The following NOTUM variants were observed in gnomAD, a reference collection of about 807,000 sequenced individuals.
NOTUM encodes the protein palmitoleoyl-protein carboxylesterase NOTUM.
Under a neutral mutation model 65.5 loss-of-function variants are expected in NOTUM, and 36 were observed. The ratio of observed to expected loss-of-function variants is 0.55; its 90% CI spans 0.42 to 0.73. NOTUM has a LOEUF of 0.73. Among genes scored for constraint, NOTUM ranks in the 30% least tolerant of loss-of-function variants. NOTUM has a pLI of 0.00. For synonymous variants in NOTUM, 356 were observed against 297.9 expected, an observed-to-expected ratio of 1.20 and a Z score of -2.01; for missense variants, 659 against 694.2, an observed-to-expected ratio of 0.95 and a Z score of 0.57.
In NOTUM at chr17:81,953,183, C is replaced by T. The variant is rs780722412; in HGVS notation, c.1269G>A (p.Lys423=). ...AGCCCTTGAGGGGGGTCTTGCTGGC[C>T]TTGTGGCTGTCATGGAGGCTCCTGT... The part of the protein sequence containing the change: ...CWDRSLHDSH[K]ASKTPLKGCP... The change falls in exon 11 of 11, where the codon AAG becomes AAA. Residue 423 remains lysine, a synonymous_variant. Coordinates refer to ENST00000409678, the MANE Select transcript of NOTUM (RefSeq NM_178493.6). 1.2e-6 allele frequency: 2 copies of T among 1,613,154 alleles called. No homozygotes were observed. The highest frequency in any genetic ancestry group is 1.1e-5 in the South Asian group (1 of 91,020).
chr17:81,959,616 C>G, intron 2 of NOTUM, 24 bp downstream of exon 2: 1 of 1,545,366 alleles, frequency 6.5e-7, no homozygotes, highest in Non-Finnish European at 8.7e-7. Flanking sequence ...CCCCGGCCTC[C>G]CCCCGCCTCA....
At position 81,957,890 on chromosome 17, in the gene NOTUM, C is replaced by T; in HGVS notation, c.611G>A (p.Gly204Asp). 1 of 1,604,612 alleles carries T rather than the reference C, an allele frequency of 6.2e-7. No homozygotes were observed. Among genetic ancestry groups the T allele is most frequent in the Non-Finnish European group, 8.5e-7 (1 of 1,176,192 alleles). Reference protein sequence around the residue: ...KSEKNEYAFMGALIIQEVVRE... With the variant: ...KSEKNEYAFMDALIIQEVVRE... The stretch of plus-strand genomic sequence containing the variant: ...CACCACCTCCTGGATGATGAGGGCG[C>T]CCATGAAGGCGTACTCGTCTGCAAG... Residue 204 changes from glycine to aspartate, a missense_variant, in exon 6 of 11, where the codon GGC (glycine) becomes GAC (aspartate). By Grantham distance (94) the Gly-to-Asp change is moderately conservative. Transcript: ENST00000409678.
chr17:81,960,720 C>T lies in NOTUM; in HGVS notation c.190G>A (p.Asp64Asn), dbSNP rs1446922169. Residue 64 changes from aspartate to asparagine, a missense_variant, in exon 1 of 11, where the codon GAC (aspartate) becomes AAC (asparagine). By Grantham distance (23) the Asp-to-Asn change is conservative (BLOSUM62 1). Transcript: ENST00000409678. This position sits in a 1 kb window ranked among gnomAD's most constrained non-coding sequence, Gnocchi z 6.4. ...LDFTAVEGNM[D>N]SFMAQVKSLA... ...CTCTTGACTTGCGCCATGAAGCTGTCCATGTTACCCTCCACGGCCGTGAAG... is the reference window on the plus strand; with the variant it reads ...CTCTTGACTTGCGCCATGAAGCTGTTCATGTTACCCTCCACGGCCGTGAAG... 4 of 1,603,610 alleles carry T rather than the reference C, an allele frequency of 2.5e-6. No homozygotes were observed. The highest frequency in any genetic ancestry group is 3.4e-6 in the Non-Finnish European group (4 of 1,175,816).
rs1038583550 is a variant in NOTUM, at chr17:81,960,059, G to A, written c.324-367C>T. On this transcript the variant is annotated intron_variant, in intron 1 of 10. Coordinates refer to ENST00000409678, the MANE Select transcript of NOTUM (RefSeq NM_178493.6). This position sits in a 1 kb window ranked among gnomAD's most constrained non-coding sequence, Gnocchi z 6.4. Reference sequence around the variant, plus strand: ...TTGGCGGGGGAACGGGACGCCGCGGGGAGCGCGGGAGGCGCGGGCGGCACC... The same window carrying A: ...TTGGCGGGGGAACGGGACGCCGCGGAGAGCGCGGGAGGCGCGGGCGGCACC... Among the ~76,000 whole-genome samples the A allele has an allele frequency of 2.0e-5, 3 of 152,056 alleles. No individual in the cohort carries two copies. The highest frequency in any genetic ancestry group is 2.9e-5 in the Non-Finnish European group (2 of 67,958).
Position 81,960,933 on chromosome 17 carries a change from G to C in NOTUM, c.-24C>G, listed in dbSNP as rs1039314429. On this transcript the variant is annotated 5_prime_UTR_variant, in exon 1 of 11. Transcript: ENST00000409678. This position sits in a 1 kb window ranked among gnomAD's most constrained non-coding sequence, Gnocchi z 6.4. Reference sequence around the variant, plus strand: ...ATGGCCGCGTCCACCTGCGGGGAGCGGGCGGCCTTGAGGCGGCGGCGGCGG... The same window carrying C: ...ATGGCCGCGTCCACCTGCGGGGAGCCGGCGGCCTTGAGGCGGCGGCGGCGG... 1.7e-6 allele frequency: 2 copies of C among 1,211,968 alleles called. No individual in the cohort carries two copies. Among genetic ancestry groups the C allele is most frequent in the Non-Finnish European group, 2.1e-6 (2 of 974,536 alleles). The allele number at this position is 1,211,968 out of a possible 1,614,324, so 75.1% of individuals were successfully genotyped here. A position where few individuals can be genotyped will look rare whatever the true frequency, so the allele number is the denominator to read the frequency against.
chr17:81,953,365 G>C (rs35021281), intron 10 of NOTUM, 98 bp from the exon 11 acceptor site: 2 of 761,188 alleles, frequency 2.6e-6, no homozygotes, highest in Non-Finnish European at 4.3e-6. Context: ...GCAGGATCTC[G>C]GCTCACTGCA....
chr17:81,959,015 G>A lies in NOTUM; in HGVS notation c.473-20C>T. ...CTGTGCCTGGGGACACAGAGGCGGTGGGTCTTTCTAGCGGGAGGAGGCTGT... is the reference window on the plus strand; with the variant it reads ...CTGTGCCTGGGGACACAGAGGCGGTAGGTCTTTCTAGCGGGAGGAGGCTGT... On this transcript the variant is annotated intron_variant, in intron 3 of 10. Transcript: ENST00000409678. The A allele has an allele frequency of 6.2e-7, 1 of 1,610,416 alleles. No individual in the cohort carries two copies. Among genetic ancestry groups the A allele is most frequent in the Non-Finnish European group, 8.5e-7 (1 of 1,177,524 alleles).
chr17:81,957,745 T>C, intron 6 of NOTUM, 61 bp downstream of exon 6: 3 of 1,156,612 alleles, frequency 2.6e-6, no homozygotes, highest in Non-Finnish European at 2.5e-6. Flanking sequence ...CCCACACCCC[T>C]TCCATGCACC....
chr17:81,955,365 C>T (rs920856457), intron 9 of NOTUM, 32 bp downstream of exon 9: 12 of 1,522,552 alleles, frequency 7.9e-6, no homozygotes, highest in African/African-American at 4.1e-5. Flanking sequence ...GGGAGCTACC[C>T]GGCGTGGGGC....
chr17:81,959,388 G>A lies in NOTUM; in HGVS notation c.472+83C>T, dbSNP rs549227577. 3.8e-6 allele frequency: 4 copies of A among 1,058,892 alleles called. No individual in the cohort carries two copies. The East Asian group carries it at 7.8e-5, about 21-fold the overall frequency. 65.6% of individuals were successfully genotyped at this position (1,058,892 alleles called of 1,614,324 possible). On this transcript the variant is annotated intron_variant, in intron 3 of 10. Coordinates refer to ENST00000409678, the MANE Select transcript of NOTUM (RefSeq NM_178493.6). ...GGCTGGGCATGATGTGCGGGGTGGGGGCCTGGCTGGGGCTCCAGGAGGCGG... is the reference window on the plus strand; with the variant it reads ...GGCTGGGCATGATGTGCGGGGTGGGAGCCTGGCTGGGGCTCCAGGAGGCGG...
At position 81,960,407 on chromosome 17, in the gene NOTUM, C is replaced by A. The variant is rs2041465662; in HGVS notation, c.323+180G>T. 6.6e-6 allele frequency among the ~76,000 whole-genome samples: 1 copy of A among 152,196 alleles called. No homozygotes were observed. Among genetic ancestry groups the A allele is most frequent in the Non-Finnish European group, 1.5e-5 (1 of 68,014 alleles). On this transcript the variant is annotated intron_variant, in intron 1 of 10. Transcript: ENST00000409678. This position sits in a 1 kb window ranked among gnomAD's most constrained non-coding sequence, Gnocchi z 6.4. ...GCTGGCCGGGGACCAGCCCTTCCAG[C>A]GCCGCTCCGCTCCCCACGCGGAGAG...
In NOTUM at chr17:81,957,194, C is replaced by G. The variant is rs547949533; in HGVS notation, c.696-120G>C. 6.6e-6 allele frequency: 5 copies of G among 755,164 alleles called. No homozygotes were observed. The African/African-American group carries it at 8.8e-5, about 13-fold the overall frequency. 46.8% of individuals were successfully genotyped at this position (755,164 alleles called of 1,614,324 possible). On this transcript the variant is annotated intron_variant, in intron 6 of 10. Transcript: ENST00000409678. ...AGGAGTCCTGATGCGTTCTGAACTGCGGATGCATTCTGCATTCTCTGTTCA... is the reference window on the plus strand; with the variant it reads ...AGGAGTCCTGATGCGTTCTGAACTGGGGATGCATTCTGCATTCTCTGTTCA...
At position 81,952,864 on chromosome 17, in the gene NOTUM, C is replaced by G; in HGVS notation, c.*97G>C. 8.8e-7 allele frequency: 1 copy of G among 1,141,708 alleles called. No individual in the cohort carries two copies. Among genetic ancestry groups the G allele is most frequent in the Non-Finnish European group, 1.3e-6 (1 of 781,224 alleles). The allele number at this position is 1,141,708 out of a possible 1,614,324, so 70.7% of individuals were successfully genotyped here. On this transcript the variant is annotated 3_prime_UTR_variant, in exon 11 of 11. Coordinates refer to ENST00000409678, the MANE Select transcript of NOTUM (RefSeq NM_178493.6). ...AGGGGGGACGGCTGGGGCCCTGTCC[C>G]GAAGAGACGGGAGGGCCTGCTGGTG...
chr17:81,953,332 T>A (rs2041402306), intron 10 of NOTUM, 65 bp from the exon 11 acceptor site: 1 of 1,064,906 alleles, frequency 9.4e-7, no homozygotes, highest in African/African-American at 1.6e-5. Flanking sequence ...AGGCAGCTGT[T>A]TTTTTTTTTG....
At chr17:81,958,497 G>T (rs566006716) in intron 4 of NOTUM, 104 bp from the exon 5 acceptor site, 11 of 775,100 alleles carry the variant, frequency 1.4e-5, no homozygotes, top group Admixed American at 7.8e-5. Flanking sequence ...CCCAGGACAG[G>T]ATTCCCCTGG....
At position 81,960,171 on chromosome 17, in the gene NOTUM, G is replaced by A. The variant is rs1034807838; in HGVS notation, c.323+416C>T. 1.3e-5 allele frequency among the ~76,000 whole-genome samples: 2 copies of A among 152,120 alleles called. No homozygotes were observed. The highest frequency in any genetic ancestry group is 1.3e-4 in the Admixed American group (2 of 15,280). On this transcript the variant is annotated intron_variant, in intron 1 of 10. Coordinates refer to ENST00000409678, the MANE Select transcript of NOTUM (RefSeq NM_178493.6). The surrounding 1 kb of genome is among the most constrained non-coding windows in gnomAD (Gnocchi z 6.4). ...CGGCTGTCCTCGGCCTGTTGAGCGC[G>A]TGGGCGGCCCCGCCGCTCCCCGACC...
At position 81,960,684 on chromosome 17, in the gene NOTUM, A is replaced by T; in HGVS notation, c.226T>A (p.Ser76Thr). Residue 76 changes from serine to threonine, a missense_variant, in exon 1 of 11, where the codon TCC (serine) becomes ACC (threonine). Physicochemically the swap from Ser to Thr is moderately conservative, Grantham distance 58 (BLOSUM62 1). Transcript: ENST00000409678. This position sits in a 1 kb window ranked among gnomAD's most constrained non-coding sequence, Gnocchi z 6.4. ...FMAQVKSLAQSLYPCSAQQLN... is the reference protein window; with the variant it reads ...FMAQVKSLAQTLYPCSAQQLN... ...TGCTGCGCGGAGCAGGGGTACAGGG[A>T]CTGCGCCAGGCTCTTGACTTGCGCC... 6.2e-7 allele frequency: 1 copy of T among 1,600,530 alleles called. No individual in the cohort carries two copies. The highest frequency in any genetic ancestry group is 1.3e-5 in the African/African-American group (1 of 74,796).
At chr17:81,955,293 A>AT (rs958808776) in intron 9 of NOTUM, 104 bp downstream of exon 9, 1,205 of 1,074,952 alleles carry the variant, frequency 1.1e-3, no homozygotes, top group Non-Finnish European at 1.3e-3. Flanking sequence ...CAAGACCTCT[A>AT]TTTTTTTTTG....
At chr17:81,959,186 T>C in intron 3 of NOTUM, 191 bp from the exon 4 acceptor site, 3 of 626,178 alleles carry the variant, frequency 4.8e-6, no homozygotes, top group Non-Finnish European at 8.6e-6. Flanking sequence ...GAAGCCACCA[T>C]GGCCACGGTG....
Sources: allele counts gnomAD v4.1 joint callset (sites outside exome capture counted in the v4.1 genomes callset), GRCh38; gene constraint gnomAD v4.1.1; non-coding constraint Gnocchi (gnomAD v3.1); transcripts MANE v1.5; gene names NCBI Gene and HGNC (gene_info 2026-07-23, HGNC 2026-07-21).